BID: variants seen among roughly 807,000 people sequenced by gnomAD.
The protein encoded by BID is BH3 interacting domain death agonist.
Under a neutral mutation model 17.4 loss-of-function variants are expected in BID, and 19 were observed. That is an observed-to-expected ratio of 1.09 (90% CI 0.76 to 1.60). BID has a LOEUF of 1.60. Ranked by LOEUF, BID falls within the 40% of genes most tolerant of loss-of-function variation. The pLI, the probability that BID is intolerant of heterozygous loss-of-function variation, is 0.00. For synonymous variants in BID, 108 were observed against 102.8 expected, an observed-to-expected ratio of 1.05 and a Z score of -0.31; for missense variants, 226 against 256.0, an observed-to-expected ratio of 0.88 and a Z score of 0.80.
intron 1 of BID, among the ~76,000 whole-genome samples, chr22:17,756,477 T>C (rs1460567981): frequency 2.0e-5 from 2 of 97,632 alleles, no homozygotes; most frequent in African/African-American, 7.9e-5. Flanking sequence ...CTTTCTTTCT[T>C]TTCTTTCTTT....
intron 1 of BID, among the ~76,000 whole-genome samples, chr22:17,750,841 A>G (rs1300153067): frequency 1.3e-5 from 2 of 152,014 alleles, no homozygotes; most frequent in East Asian, 1.9e-4. Flanking sequence ...AAGAATGACC[A>G]GTCTGGCCAA....
chr22:17,766,026 T>C (rs949836346), intron 1 of BID, among the ~76,000 whole-genome samples: 8 of 152,128 alleles, frequency 5.3e-5, no homozygotes, highest in Non-Finnish European at 8.8e-5. Context: ...CCTCCCGGGC[T>C]CAGGCGATCC....
intron 1 of BID, among the ~76,000 whole-genome samples, chr22:17,756,476 T>TCTC (rs1555906134): frequency 9.6e-6 from 1 of 103,692 alleles, no homozygotes; most frequent in Non-Finnish European, 2.2e-5. Flanking sequence ...TCTTTCTTTC[T>TCTC]TTTCTTTCTT....
chr22:17,763,272 C>G (rs2061654520), intron 1 of BID, among the ~76,000 whole-genome samples: 1 of 149,096 alleles, frequency 6.7e-6, no homozygotes, highest in Non-Finnish European at 1.5e-5. Flanking sequence ...GAGACATAGT[C>G]TGGCTCTGTC....
intron 1 of BID, among the ~76,000 whole-genome samples, chr22:17,753,623 T>C (rs1358990052): frequency 1.3e-5 from 2 of 152,232 alleles, no homozygotes; most frequent in Non-Finnish European, 2.9e-5. Flanking sequence ...GCAGACGCCC[T>C]GGAAACCACA....
Position 17,753,457 on chromosome 22 carries a change from G to GGGCTTTA in BID, c.-58-3290_-58-3284dup, listed in dbSNP as rs368327238. ...GCCTCCCCTAGGCAACGGTCTTGGA[G>GGGCTTTA]GGCTTTAGGAGCAGGGAGTGGCATT... On this transcript the variant is annotated intron_variant, in intron 1 of 5. Transcript: ENST00000622694. Among the ~76,000 whole-genome samples the GGGCTTTA allele has an allele frequency of 1.3e-3, 194 of 152,364 alleles. No homozygotes were observed. In the South Asian group the frequency reaches 0.015, roughly 12 times the overall value.
chr22:17,763,190 C>A lies in BID; in HGVS notation c.-59+11191G>T, dbSNP rs568953828. On this transcript the variant is annotated intron_variant, in intron 1 of 5. Coordinates refer to ENST00000622694, the MANE Select transcript of BID (RefSeq NM_001196.4). ...CTTCGCCTGGCCACCTGTATTTTTT[C>A]TTTGAAAAATAAAAGCATTTACATA... Among the ~76,000 whole-genome samples the A allele has an allele frequency of 3.2e-3, 479 of 150,942 alleles. 5 individuals are homozygous for A. The highest frequency in any genetic ancestry group is 0.011 in the Middle Eastern group (3 of 284).
At position 17,773,580 on chromosome 22, in the gene BID, C is replaced by A; in HGVS notation, c.-59+801G>T. 2 of 1,611,008 alleles carry A rather than the reference C, an allele frequency of 1.2e-6. No individual in the cohort carries two copies. Among genetic ancestry groups the A allele is most frequent in the Non-Finnish European group, 1.7e-6 (2 of 1,179,178 alleles). On this transcript the variant is annotated intron_variant, in intron 1 of 5. Transcript: ENST00000622694. The surrounding 1 kb of genome is among the most constrained non-coding windows in gnomAD (Gnocchi z 4.4). ...GCCTGCAGGTGAAGGCCGGTCCAGC[C>A]GCAGAAGGCCCAGCCCCCAGCCCAC...
At chr22:17,742,269 C>T (rs962109990) in intron 3 of BID, among the ~76,000 whole-genome samples, 2 of 131,794 alleles carry the variant, frequency 1.5e-5, no homozygotes, top group East Asian at 4.2e-4. Flanking sequence ...AGGCAAAGGC[C>T]GGCATGGAGA....
At position 17,739,822 on chromosome 22, in the gene BID, C is replaced by G; in HGVS notation, c.224-334G>C. The G allele has an allele frequency of 5.1e-6, 3 of 590,860 alleles. No homozygotes were observed. The South Asian group carries it at 6.0e-5, about 12-fold the overall frequency. The allele number at this position is 590,860 out of a possible 1,614,324, so 36.6% of individuals were successfully genotyped here. A position where few individuals can be genotyped will look rare whatever the true frequency, so the allele number is the denominator to read the frequency against. On this transcript the variant is annotated intron_variant, in intron 3 of 5. Transcript: ENST00000622694. ...CAGCGGCTTCATGGCTCACACCACA[C>G]AACCCAACAGGGTTGGCCTTGGCCT... is the stretch of plus-strand genomic sequence containing the variant.
At chr22:17,764,914 G>A (rs2145917316) in intron 1 of BID, among the ~76,000 whole-genome samples, 1 of 152,276 alleles carries the variant, frequency 6.6e-6, no homozygotes, top group African/African-American at 2.4e-5. Flanking sequence ...TCCTGCATCT[G>A]AAATGACCTC....
intron 1 of BID, among the ~76,000 whole-genome samples, chr22:17,755,719 G>C (rs957206801): frequency 2.0e-5 from 3 of 149,934 alleles, no homozygotes; most frequent in Admixed American, 6.7e-5. Flanking sequence ...AGAATCACTT[G>C]AACCTGGGAG....
intron 3 of BID, among the ~76,000 whole-genome samples, chr22:17,742,163 G>T (rs1601840068): frequency 6.6e-6 from 1 of 152,280 alleles, no homozygotes; most frequent in East Asian, 1.9e-4. Flanking sequence ...GCTCGCCAGG[G>T]ACTAGATTCA....
chr22:17,740,215 T>A (rs761744093), intron 3 of BID: 10 of 1,581,172 alleles, frequency 6.3e-6, no homozygotes, highest in South Asian at 2.3e-5. Context: ...GTGATTTTTT[T>A]AATCTGTTTT....
At chr22:17,752,161 C>A (rs149630446) in intron 1 of BID, among the ~76,000 whole-genome samples, 2 of 152,342 alleles carry the variant, frequency 1.3e-5, no homozygotes, top group East Asian at 3.9e-4. Context: ...ATGTCACAAG[C>A]AAACTGCAGC....
intron 1 of BID, among the ~76,000 whole-genome samples, chr22:17,762,646 G>A (rs1015813933): frequency 1.2e-4 from 18 of 151,916 alleles, no homozygotes; most frequent in African/African-American, 4.4e-4. Flanking sequence ...AAACTCCTGG[G>A]CTCAAGTGAT....
In BID at chr22:17,773,973, C is replaced by T. The variant is rs1428914776; in HGVS notation, c.-59+408G>A. ...CGGTGTGGGCGGGGATTCCGATCCG[C>T]CGGCAAGGGTGGCCTGCACCCGGCC... On this transcript the variant is annotated intron_variant, in intron 1 of 5. Transcript: ENST00000622694. The surrounding 1 kb of genome is among the most constrained non-coding windows in gnomAD (Gnocchi z 4.4). The T allele has an allele frequency of 3.8e-6, 2 of 523,768 alleles. No homozygotes were observed. The highest frequency in any genetic ancestry group is 1.9e-5 in the African/African-American group (1 of 51,398). The allele number at this position is 523,768 out of a possible 1,614,324, so 32.4% of individuals were successfully genotyped here.
intron 2 of BID, among the ~76,000 whole-genome samples, chr22:17,747,835 T>A (rs2061504878): frequency 6.6e-6 from 1 of 150,556 alleles, no homozygotes; most frequent in African/African-American, 2.4e-5. Context: ...CCCAGCACTT[T>A]GGGAAGCCGA....
chr22:17,748,335 C>A (rs533485760), intron 2 of BID, among the ~76,000 whole-genome samples: 26 of 151,072 alleles, frequency 1.7e-4, no homozygotes, highest in Admixed American at 1.4e-3. Flanking sequence ...CGGTGAAACC[C>A]CGTCTTTACT....
Sources: gnomAD v4.1 joint callset for allele counts (sites outside exome capture counted in the v4.1 genomes callset) on GRCh38, gnomAD v4.1.1 for gene constraint, Gnocchi (gnomAD v3.1) non-coding constraint, MANE v1.5 for transcripts, NCBI Gene and HGNC (gene_info 2026-07-23, HGNC 2026-07-21) for gene names.